Variants in PCDH15 observed in about 807,000 individuals in gnomAD.
PCDH15 encodes protocadherin related 15.
In PCDH15, 129 loss-of-function variants were observed where a neutral mutation model predicts 178.5. The observed-to-expected ratio is 0.72, with a 90% CI of 0.63 to 0.84. The LOEUF (loss-of-function observed/expected upper bound fraction) is 0.84, where lower values mean the gene tolerates loss of function less well. Among genes scored for constraint, PCDH15 ranks in the 40% least tolerant of loss-of-function variants. The pLI is 0.00. For synonymous variants in PCDH15, 800 were observed against 732.0 expected (o/e 1.09, Z -1.50); for missense variants, 2,230 against 2,099.9 (o/e 1.06, Z -1.21).
chr10:55,579,931 A>C (rs1468856783), intron 2 of PCDH15, among the ~76,000 whole-genome samples: 2 of 152,126 alleles, frequency 1.3e-5, no homozygotes, highest in South Asian at 2.1e-4. Flanking sequence ...ATCTCAGCTC[A>C]CTGCAACCTC....
At chr10:54,957,427 G>C (rs984220763) in intron 2 of PCDH15, among the ~76,000 whole-genome samples, 5 of 151,660 alleles carry the variant, frequency 3.3e-5, no homozygotes, top group African/African-American at 1.2e-4. Context: ...TTACAAAGAA[G>C]TGTGTGTGGT....
At chr10:55,474,954 G>C (rs147531799) in intron 2 of PCDH15, among the ~76,000 whole-genome samples, 1 of 152,042 alleles carries the variant, frequency 6.6e-6, no homozygotes, top group African/African-American at 2.4e-5. Context: ...GAGTTTTTGG[G>C]TGTCTGCTCA....
At chr10:53,983,650 C>T (rs1055034225) in intron 21 of PCDH15, among the ~76,000 whole-genome samples, 11 of 152,026 alleles carry the variant, frequency 7.2e-5, no homozygotes, top group South Asian at 2.1e-4. Flanking sequence ...CAAAGGTAAA[C>T]GTAACTCGAC....
rs143987643 is a variant in PCDH15, at chr10:54,918,248, T to C, written c.-79-20748A>G. 5.9e-4 allele frequency among the ~76,000 whole-genome samples: 90 copies of C among 152,230 alleles called. No individual in the cohort carries two copies. In the East Asian group the frequency reaches 0.014, roughly 24 times the overall value. On this transcript the variant is annotated intron_variant, in intron 2 of 5. Coordinates refer to the PCDH15 transcript ENST00000458638. Reference sequence around the variant, plus strand: ...GGAGGATGATGAAATTACATTACTCTGAAATTAAACAGAAAAATCAGATAT... The same window carrying C: ...GGAGGATGATGAAATTACATTACTCCGAAATTAAACAGAAAAATCAGATAT...
chr10:55,116,296 C>A (rs1293242997), intron 2 of PCDH15, among the ~76,000 whole-genome samples: 1 of 152,106 alleles, frequency 6.6e-6, no homozygotes, highest in African/African-American at 2.4e-5. Flanking sequence ...AGATTATTTA[C>A]AATAACCAGG....
chr10:55,296,417 T>C (rs544834994), intron 1 of PCDH15, among the ~76,000 whole-genome samples: 12 of 152,324 alleles, frequency 7.9e-5, no homozygotes, highest in African/African-American at 2.9e-4. Flanking sequence ...CTTATTAGCA[T>C]AACCTTGGAT....
Position 55,399,911 on chromosome 10 carries a change from A to ATAT in PCDH15, c.-156+227711_-156+227713dup, listed in dbSNP as rs1221111082. Among the ~76,000 whole-genome samples the ATAT allele has an allele frequency of 3.9e-5, 6 of 152,190 alleles. No individual in the cohort carries two copies. The South Asian group carries it at 6.2e-4, about 16-fold the overall frequency. ...AAACACATTCAAAACAAAGCCCCAC[A>ATAT]TATTATTATTTTGGCATTTTGAGTT... is the stretch of plus-strand genomic sequence containing the variant. On this transcript the variant is annotated intron_variant, in intron 2 of 5. Transcript: ENST00000613346.
chr10:54,537,138 A>G (rs2084658245), intron 2 of PCDH15, among the ~76,000 whole-genome samples: 1 of 150,914 alleles, frequency 6.6e-6, no homozygotes, highest in South Asian at 2.1e-4. Flanking sequence ...AGCTGGGACT[A>G]CAGGCGCCCG....
chr10:55,130,512 T>A lies in PCDH15; in HGVS notation c.-80+36064A>T, dbSNP rs117735452. Reference sequence around the variant, plus strand: ...GCTTCTGGAGTTGGACTACCAGGGGTCAAAGCTCAGCTTTGTTATTTTTTA... The same window carrying A: ...GCTTCTGGAGTTGGACTACCAGGGGACAAAGCTCAGCTTTGTTATTTTTTA... On this transcript the variant is annotated intron_variant, in intron 2 of 5. Transcript: ENST00000458638. Among the ~76,000 whole-genome samples the A allele has an allele frequency of 4.1e-3, 619 of 152,292 alleles. 1 individual carries two copies. The highest frequency in any genetic ancestry group is 6.8e-3 in the Non-Finnish European group (460 of 68,010).
intron 18 of PCDH15, among the ~76,000 whole-genome samples, chr10:54,050,205 C>T (rs962168954): frequency 9.9e-5 from 15 of 152,000 alleles, no homozygotes; most frequent in African/African-American, 3.6e-4. Context: ...ATTTTTTGAT[C>T]GGTAGATTTT....
At chr10:54,066,390 A>C (rs1277248379) in intron 18 of PCDH15, among the ~76,000 whole-genome samples, 2 of 152,170 alleles carry the variant, frequency 1.3e-5, no homozygotes, top group Non-Finnish European at 2.9e-5. Context: ...TATTTACCTA[A>C]TGTAATGAAT....
intron 8 of PCDH15, among the ~76,000 whole-genome samples, chr10:54,262,823 TG>T (rs2057411869): frequency 6.6e-6 from 1 of 152,150 alleles, no homozygotes; most frequent in African/African-American, 2.4e-5. Flanking sequence ...ACAGAATGCC[TG>T]GAGTAGCTCA....
chr10:55,316,936 T>C (rs1188480304), intron 1 of PCDH15, among the ~76,000 whole-genome samples: 2 of 152,210 alleles, frequency 1.3e-5, no homozygotes, highest in Non-Finnish European at 2.9e-5. Flanking sequence ...AAATTTGAAA[T>C]CTGACTAGAT....
At chr10:54,216,038 G>A (rs1193785457) in intron 9 of PCDH15, among the ~76,000 whole-genome samples, 4 of 59,822 alleles carry the variant, frequency 6.7e-5, no homozygotes, top group East Asian at 4.6e-4. Context: ...GTGAGACTCC[G>A]TCTCAGAAAA....
At chr10:55,626,047 G>C (rs1281354975) in intron 2 of PCDH15, among the ~76,000 whole-genome samples, 1 of 151,928 alleles carries the variant, frequency 6.6e-6, no homozygotes, top group Non-Finnish European at 1.5e-5. Flanking sequence ...ACTGTGAGCT[G>C]CCCTAAGAGA....
rs994619177 is a variant in PCDH15 at position 54,423,394 on chromosome 10, G to A, written c.158-44452C>T. On this transcript the variant is annotated intron_variant, in intron 3 of 37. Coordinates refer to ENST00000644397, the MANE Select transcript of PCDH15 (RefSeq NM_001384140.1). ...TCTGACATACACATAACTTACTAAC[G>A]AAAGGGAGTTAGGTGAGAGGGAAGA... Among the ~76,000 whole-genome samples the A allele has an allele frequency of 4.6e-5, 7 of 151,892 alleles. 1 individual carries two copies. Among genetic ancestry groups the A allele is most frequent in the East Asian group, 1.9e-4 (1 of 5,180 alleles).
At chr10:54,313,169 T>C (rs1216555842) in intron 8 of PCDH15, among the ~76,000 whole-genome samples, 1 of 152,134 alleles carries the variant, frequency 6.6e-6, no homozygotes, top group Non-Finnish European at 1.5e-5. Context: ...CTTTTTTTAC[T>C]GGCAAGAATC....
intron 2 of PCDH15, among the ~76,000 whole-genome samples, chr10:55,120,360 T>C (rs951509731): frequency 1.3e-5 from 2 of 152,150 alleles, no homozygotes; most frequent in African/African-American, 2.4e-5. Context: ...CACATGGTAA[T>C]ACCATGTAGG....
At chr10:54,270,300 C>T (rs549638593) in intron 8 of PCDH15, among the ~76,000 whole-genome samples, 3 of 152,154 alleles carry the variant, frequency 2.0e-5, no homozygotes, top group Non-Finnish European at 2.9e-5. Flanking sequence ...TCTTACAGTG[C>T]GTTATTATTT....
Sources: gnomAD v4.1 joint callset for allele counts (sites outside exome capture counted in the v4.1 genomes callset) on GRCh38, gnomAD v4.1.1 for gene constraint, MANE v1.5 for transcripts, NCBI Gene and HGNC (gene_info 2026-07-23, HGNC 2026-07-21) for gene names.